Variants in ZC3H7B observed in about 807,000 individuals in gnomAD.
The protein encoded by ZC3H7B is zinc finger CCCH domain-containing protein 7B.
Under a neutral mutation model 116.0 loss-of-function variants are expected in ZC3H7B, and 35 were observed. That is an observed-to-expected ratio of 0.30 (90% CI 0.23 to 0.40). The LOEUF is 0.40. Among genes scored for constraint, ZC3H7B ranks in the 10% least tolerant of loss-of-function variants. The pLI, the probability that ZC3H7B is intolerant of heterozygous loss-of-function variation, is 1.00. For synonymous variants in ZC3H7B, 502 were observed against 545.6 expected (o/e 0.92, Z 1.11); for missense variants, 1,011 against 1,321.5 (o/e 0.77, Z 3.64).
In ZC3H7B at chr22:41,357,130, G is replaced by A. The variant is rs778775462; in HGVS notation, c.2682-47G>A. The stretch of plus-strand genomic sequence containing the variant: ...GCCGGCCCCAGATGGACAGCCTGGG[G>A]TGGGAAGGGCACAGAGCTCGGGCAG... On this transcript the variant is annotated intron_variant, in intron 22 of 22. Transcript: ENST00000352645. This position sits in a 1 kb window ranked among gnomAD's most constrained non-coding sequence, Gnocchi z 5.4. 4.4e-6 allele frequency: 7 copies of A among 1,600,106 alleles called. No individual in the cohort carries two copies. The African/African-American group carries it at 8.0e-5, about 18-fold the overall frequency.
At chr22:41,319,128 A>G (rs555081989) in intron 1 of ZC3H7B, among the ~76,000 whole-genome samples, 28 of 152,196 alleles carry the variant, frequency 1.8e-4, no homozygotes, top group South Asian at 4.1e-4. Context: ...AAGGCTGGGC[A>G]CAGTGGCTCA....
chr22:41,306,168 T>G (rs987293991), intron 1 of ZC3H7B, among the ~76,000 whole-genome samples: 1 of 152,158 alleles, frequency 6.6e-6, no homozygotes, highest in African/African-American at 2.4e-5. Flanking sequence ...TCCTTTCGAT[T>G]CTCTGGGCCT....
rs1180348998 is a variant in ZC3H7B, at chr22:41,340,017, G to A, written c.1018G>A (p.Asp340Asn). The A allele has an allele frequency of 3.1e-6, 5 of 1,610,892 alleles. No individual in the cohort carries two copies. Among genetic ancestry groups the A allele is most frequent in the Non-Finnish European group, 3.4e-6 (4 of 1,179,984 alleles). ...GGCCGCCTCTGTGCTGGATGCCCTC[G>A]ATCCCCCGGGCCCCACGCTGGACCC... Reference protein sequence around the residue: ...KLAASVLDALDPPGPTLDPLD... With the variant: ...KLAASVLDALNPPGPTLDPLD... Residue 340 changes from aspartate to asparagine, a missense_variant, in exon 10 of 23, where the codon GAT (aspartate) becomes AAT (asparagine). Physicochemically the swap from Asp to Asn is conservative, Grantham distance 23. Coordinates refer to ENST00000352645, the MANE Select transcript of ZC3H7B (RefSeq NM_017590.6).
At chr22:41,343,597 C>A in intron 13 of ZC3H7B, 21 bp downstream of exon 13, 1 of 1,571,950 alleles carries the variant, frequency 6.4e-7, no homozygotes, top group Non-Finnish European at 8.7e-7. Flanking sequence ...TGCAGCGGGG[C>A]AGGCAGCACA....
intron 1 of ZC3H7B, among the ~76,000 whole-genome samples, chr22:41,303,818 C>T (rs1291841312): frequency 4.6e-5 from 7 of 152,268 alleles, no homozygotes; most frequent in East Asian, 3.9e-4. Flanking sequence ...AGTGCAGTGG[C>T]GCGATCTTGG....
chr22:41,342,894 C>T (rs1473851852), intron 12 of ZC3H7B, among the ~76,000 whole-genome samples: 4 of 152,114 alleles, frequency 2.6e-5, no homozygotes, highest in African/African-American at 4.8e-5. Context: ...ATGGGTAGGC[C>T]GGATGCGGTG....
rs921611044 is a variant in ZC3H7B, at chr22:41,339,723, G to T, written c.817-93G>T. The T allele has an allele frequency of 3.3e-6, 4 of 1,216,850 alleles. No individual in the cohort carries two copies. The South Asian group carries it at 5.8e-5, about 18-fold the overall frequency. The allele number at this position is 1,216,850 out of a possible 1,614,324, so 75.4% of individuals were successfully genotyped here. ...GGACAGGATGAAGCCAGGCGACAGG[G>T]TGCAGGTCTCCTTGCTTCCCCAAGT... On this transcript the variant is annotated intron_variant, in intron 9 of 22. Transcript: ENST00000352645.
chr22:41,339,892 G>T lies in ZC3H7B; in HGVS notation c.893G>T (p.Gly298Val). The T allele has an allele frequency of 1.2e-6, 2 of 1,613,798 alleles. No individual in the cohort carries two copies. Among genetic ancestry groups the T allele is most frequent in the Non-Finnish European group, 8.5e-7 (1 of 1,179,962 alleles). ...LPQLIPVFPGGTPLLPPVVGG... is the reference protein window; with the variant it reads ...LPQLIPVFPGVTPLLPPVVGG... ...CAGCTGATACCCGTGTTCCCCGGCG[G>T]GACCCCACTGCTACCACCTGTGGTG... is the stretch of plus-strand genomic sequence containing the variant. The change falls in exon 10 of 23, where the codon GGG becomes GTG. Residue 298 changes from glycine to valine, a missense_variant. This residue lies in a region of ZC3H7B where 322 missense variants were observed against 443.9 expected (regional missense o/e 0.73). Coordinates refer to ENST00000352645, the MANE Select transcript of ZC3H7B (RefSeq NM_017590.6).
At chr22:41,316,995 A>G (rs11090044) in intron 1 of ZC3H7B, among the ~76,000 whole-genome samples, 6,718 of 152,104 alleles carry the variant, frequency 0.044, 488 homozygotes, top group African/African-American at 0.15. Flanking sequence ...GGCATGTACC[A>G]TCACGCCCAA....
rs910435495 is a variant in ZC3H7B at position 41,338,014 on chromosome 22, C to A, written c.583-299C>A. Among the ~76,000 whole-genome samples, 2 of 152,100 alleles carry A rather than the reference C, an allele frequency of 1.3e-5. No homozygotes were observed. The highest frequency in any genetic ancestry group is 1.5e-5 in the Non-Finnish European group (1 of 68,016). On this transcript the variant is annotated intron_variant, in intron 7 of 22. Coordinates refer to ENST00000352645, the MANE Select transcript of ZC3H7B (RefSeq NM_017590.6). The surrounding 1 kb of genome is among the most constrained non-coding windows in gnomAD (Gnocchi z 4.5). ...TCCCAAGTAGCTGGGGTTACAGGCT[C>A]CTGCCACCATGCCCGACTAATTTTT... is the stretch of plus-strand genomic sequence containing the variant.
At chr22:41,345,875 T>G in intron 13 of ZC3H7B, 128 bp from the exon 14 acceptor site, 4 of 908,438 alleles carry the variant, frequency 4.4e-6, no homozygotes, top group Non-Finnish European at 5.3e-6. Flanking sequence ...CACCTAGCTG[T>G]GTTGGGGTGG....
intron 1 of ZC3H7B, among the ~76,000 whole-genome samples, chr22:41,315,988 GTT>G (rs1314952922): frequency 2.8e-5 from 4 of 142,228 alleles, no homozygotes; most frequent in Non-Finnish European, 4.6e-5. Flanking sequence ...TATCCAAATA[GTT>G]TTTTTTTTTT....
At chr22:41,318,727 C>T (rs958066135) in intron 1 of ZC3H7B, among the ~76,000 whole-genome samples, 2 of 152,014 alleles carry the variant, frequency 1.3e-5, no homozygotes, top group Non-Finnish European at 2.9e-5. Context: ...GTGAAACCGT[C>T]TCAGAAAAGA....
intron 1 of ZC3H7B, among the ~76,000 whole-genome samples, chr22:41,319,646 T>C (rs2036229912): frequency 6.6e-6 from 1 of 152,084 alleles, no homozygotes; most frequent in Admixed American, 6.6e-5. Flanking sequence ...CTCTATCTTA[T>C]TATTTTTTCT....
intron 2 of ZC3H7B, among the ~76,000 whole-genome samples, chr22:41,323,963 T>A (rs759940889): frequency 6.6e-6 from 1 of 151,876 alleles, no homozygotes. Flanking sequence ...CCAGCTACTC[T>A]GGAGGCTGAG....
rs2036584040 is a variant in ZC3H7B at position 41,346,264 on chromosome 22, G to T, written c.1665+56G>T. ...AGGCCATGGCACAGACAGGGCTGGG[G>T]ATGCTCCCTGGCACGGACCACCATA... On this transcript the variant is annotated intron_variant, in intron 14 of 22. Transcript: ENST00000352645. This position sits in a 1 kb window ranked among gnomAD's most constrained non-coding sequence, Gnocchi z 5.3. The T allele has an allele frequency of 1.9e-6, 3 of 1,580,196 alleles. No individual in the cohort carries two copies. The African/African-American group carries it at 4.0e-5, about 21-fold the overall frequency.
At chr22:41,307,348 TAC>T (rs2145894513) in intron 1 of ZC3H7B, among the ~76,000 whole-genome samples, 1 of 152,318 alleles carries the variant, frequency 6.6e-6, no homozygotes, top group African/African-American at 2.4e-5. Context: ...CAGCACCAGC[TAC>T]AGATTCCTTC....
intron 6 of ZC3H7B, 133 bp from the exon 7 acceptor site, chr22:41,332,038 G>A: frequency 1.1e-6 from 1 of 880,340 alleles, no homozygotes; most frequent in Non-Finnish European, 1.8e-6. Flanking sequence ...GGCAGGCCTG[G>A]GGACAGGGAC....
chr22:41,322,663 C>T (rs1217277563), intron 2 of ZC3H7B, among the ~76,000 whole-genome samples: 1 of 152,236 alleles, frequency 6.6e-6, no homozygotes, highest in Non-Finnish European at 1.5e-5. Flanking sequence ...GGAAGGCATG[C>T]ACCCTTGCAA....
Sources: allele counts gnomAD v4.1 joint callset (sites outside exome capture counted in the v4.1 genomes callset), GRCh38; gene constraint gnomAD v4.1.1; regional missense constraint gnomAD v4.1.1; non-coding constraint Gnocchi (gnomAD v3.1); transcripts MANE v1.5; gene names NCBI Gene and HGNC (gene_info 2026-07-23, HGNC 2026-07-21).